Variants in ARL8B observed in about 807,000 individuals in gnomAD.
The protein encoded by ARL8B is ARF like GTPase 8B, also known as ADP-ribosylation factor-like protein 8B.
Under a neutral mutation model 30.6 loss-of-function variants are expected in ARL8B, and 9 were observed. The ratio of observed to expected loss-of-function variants is 0.29; its 90% CI spans 0.18 to 0.51. The LOEUF (loss-of-function observed/expected upper bound fraction) is 0.51. Ranked by LOEUF, ARL8B falls within the 20% of genes least tolerant of loss-of-function variation. The pLI, the probability that ARL8B is intolerant of heterozygous loss-of-function variation, is 0.97. For missense variants in ARL8B, 130 were observed against 227.2 expected, an observed-to-expected ratio of 0.57 and a Z score of 2.75; for synonymous variants, 74 against 76.0, an observed-to-expected ratio of 0.97 and a Z score of 0.14.
At chr3:5,123,211 T>G (rs557515832) in intron 1 of ARL8B, among the ~76,000 whole-genome samples, 2 of 152,342 alleles carry the variant, frequency 1.3e-5, no homozygotes, top group African/African-American at 2.4e-5. Context: ...TAGTATTTAT[T>G]AAGCTAAGAG....
At chr3:5,150,883 AT>A (rs1406235893) in intron 1 of ARL8B, among the ~76,000 whole-genome samples, 3 of 152,180 alleles carry the variant, frequency 2.0e-5, no homozygotes, top group African/African-American at 7.2e-5. Flanking sequence ...TAGTGATTCA[AT>A]TTCTTCAGTA....
intron 1 of ARL8B, among the ~76,000 whole-genome samples, chr3:5,165,548 A>G (rs1482055819): frequency 1.3e-5 from 2 of 152,046 alleles, no homozygotes; most frequent in Non-Finnish European, 2.9e-5. Context: ...TGTGAAAAGT[A>G]GCTTCTTCTG....
chr3:5,143,337 G>T (rs2054391547), intron 1 of ARL8B, among the ~76,000 whole-genome samples: 1 of 152,096 alleles, frequency 6.6e-6, no homozygotes, highest in African/African-American at 2.4e-5. Context: ...AACTTTAAGG[G>T]TTACTTAAAG....
chr3:5,174,115 T>C, intron 5 of ARL8B, 31 bp downstream of exon 5: 1 of 1,556,222 alleles, frequency 6.4e-7, no homozygotes. Context: ...TTTAATAATT[T>C]GCTTCTAAAT....
At chr3:5,154,142 T>A (rs1559281638) in intron 1 of ARL8B, among the ~76,000 whole-genome samples, 1 of 152,188 alleles carries the variant, frequency 6.6e-6, no homozygotes, top group Non-Finnish European at 1.5e-5. Flanking sequence ...TTGTTGTACT[T>A]CTTGACTGTA....
chr3:5,135,709 G>A (rs1319378986), intron 1 of ARL8B, among the ~76,000 whole-genome samples: 4 of 150,666 alleles, frequency 2.7e-5, no homozygotes, highest in African/African-American at 7.3e-5. Context: ...TGCCTGCCTC[G>A]GCCTCCTAAA....
chr3:5,138,643 C>T lies in ARL8B; in HGVS notation c.123+16055C>T, dbSNP rs2054347172. Among the ~76,000 whole-genome samples the T allele has an allele frequency of 1.3e-5, 2 of 152,168 alleles. 1 individual carries two copies. Among genetic ancestry groups the T allele is most frequent in the South Asian group, 4.1e-4 (2 of 4,826 alleles). The stretch of plus-strand genomic sequence containing the variant: ...AAAAGCATTCCTGTCACTCCAACTT[C>T]TTACTGCGCTTACTGCACCTGCCAC... On this transcript the variant is annotated intron_variant, in intron 1 of 6. Coordinates refer to ENST00000256496, the MANE Select transcript of ARL8B (RefSeq NM_018184.3).
chr3:5,153,928 C>CT lies in ARL8B; in HGVS notation c.124-16564dup, dbSNP rs61072081. On this transcript the variant is annotated intron_variant, in intron 1 of 6. Coordinates refer to ENST00000256496, the MANE Select transcript of ARL8B (RefSeq NM_018184.3). ...GAATATAGAATTTCAGACTGATAGT[C>CT]TTTTTTTTTTTCCCCCTCCAGCACT... 9.0e-3 allele frequency among the ~76,000 whole-genome samples: 1,346 copies of CT among 148,970 alleles called. 18 individuals carry two copies. The highest frequency in any genetic ancestry group is 0.03 in the African/African-American group (1,246 of 40,954).
At chr3:5,143,487 C>G (rs1057226199) in intron 1 of ARL8B, among the ~76,000 whole-genome samples, 3 of 152,226 alleles carry the variant, frequency 2.0e-5, no homozygotes, top group Non-Finnish European at 2.9e-5. Flanking sequence ...ATGGAACCAC[C>G]TGTGCCTGAG....
At chr3:5,123,959 C>T (rs1664801166) in intron 1 of ARL8B, among the ~76,000 whole-genome samples, 2 of 152,142 alleles carry the variant, frequency 1.3e-5, no homozygotes, top group Non-Finnish European at 2.9e-5. Context: ...CTGCAACCTC[C>T]ACCTCCCAGG....
chr3:5,145,722 A>T (rs923519307), intron 1 of ARL8B, among the ~76,000 whole-genome samples: 27 of 152,208 alleles, frequency 1.8e-4, no homozygotes, highest in African/African-American at 6.3e-4. Flanking sequence ...GTAGTTTCAG[A>T]TACACAATCT....
intron 1 of ARL8B, among the ~76,000 whole-genome samples, chr3:5,150,652 A>ACAT (rs1165806303): frequency 6.6e-6 from 1 of 151,746 alleles, no homozygotes; most frequent in Admixed American, 6.6e-5. Context: ...GCGTGGTGGC[A>ACAT]CATGCCTGTA....
rs1559288220 is a variant in ARL8B at position 5,178,737 on chromosome 3, CCTT to C, written c.*28_*30del. On this transcript the variant is annotated 3_prime_UTR_variant, in exon 7 of 7. Transcript: ENST00000256496. Reference sequence around the variant, plus strand: ...GAAGCATCTCCTGAAGTCTTCCAGTCCTTCTTGGCTATAATCCTAGAATTATTG... The same window carrying C: ...GAAGCATCTCCTGAAGTCTTCCAGTCCTTGGCTATAATCCTAGAATTATTG... 3 of 1,611,406 alleles carry C rather than the reference CCTT, an allele frequency of 1.9e-6. No individual in the cohort carries two copies. The highest frequency in any genetic ancestry group is 2.2e-5 in the East Asian group (1 of 44,836).
At chr3:5,155,957 C>T (rs534561416) in intron 1 of ARL8B, among the ~76,000 whole-genome samples, 4 of 151,798 alleles carry the variant, frequency 2.6e-5, no homozygotes, top group Admixed American at 2.6e-4. Context: ...GGCTGGAGTG[C>T]AGTGGCGCGA....
intron 1 of ARL8B, among the ~76,000 whole-genome samples, chr3:5,133,088 G>A (rs1289318817): frequency 7.5e-6 from 1 of 133,354 alleles, no homozygotes; most frequent in African/African-American, 3.2e-5. Context: ...TGGAACTGCC[G>A]ATATCATGTG....
At chr3:5,157,095 C>A (rs1449721863) in intron 1 of ARL8B, 3 of 152,178 alleles carry the variant, frequency 2.0e-5, no homozygotes, top group Admixed American at 1.3e-4. Context: ...CCACAAGATC[C>A]AACCCACCTT....
At chr3:5,133,354 TC>T (rs1390831954) in intron 1 of ARL8B, among the ~76,000 whole-genome samples, 1 of 152,094 alleles carries the variant, frequency 6.6e-6, no homozygotes, top group Non-Finnish European at 1.5e-5. Context: ...ATAGAGACCA[TC>T]CGCAAGGAAA....
At chr3:5,170,834 G>T (rs1250496543) in intron 2 of ARL8B, 1 of 299,744 alleles carries the variant, frequency 3.3e-6, no homozygotes, top group Non-Finnish European at 6.3e-6. Flanking sequence ...CGGTTCAAGT[G>T]ATTCTCCTGC....
intron 1 of ARL8B, among the ~76,000 whole-genome samples, chr3:5,144,052 G>T (rs935980185): frequency 1.3e-5 from 2 of 152,194 alleles, no homozygotes; most frequent in African/African-American, 2.4e-5. Flanking sequence ...GAGGAAGGGG[G>T]ATACCAAGGA....
Sources: allele counts gnomAD v4.1 joint callset (sites outside exome capture counted in the v4.1 genomes callset), GRCh38; gene constraint gnomAD v4.1.1; transcripts MANE v1.5; gene names NCBI Gene and HGNC (gene_info 2026-07-23, HGNC 2026-07-21).